The following NAALADL1 variants were observed in gnomAD, a reference collection of about 807,000 sequenced individuals.
NAALADL1 encodes aminopeptidase NAALADL1.
In NAALADL1, 77 loss-of-function variants were observed where a neutral mutation model predicts 82.8. That is an observed-to-expected ratio of 0.93 (90% CI 0.77 to 1.12). NAALADL1 has a LOEUF of 1.12. Among genes scored for constraint, NAALADL1 ranks in the 50% most tolerant of loss-of-function variants. The pLI is 0.00. For synonymous variants in NAALADL1, 358 were observed against 399.2 expected (o/e 0.90, Z 1.23); for missense variants, 956 against 964.0 (o/e 0.99, Z 0.11).
chr11:65,051,342 T>C (rs946002423), intron 8 of NAALADL1, among the ~76,000 whole-genome samples: 966 of 78,330 alleles, frequency 0.012, 74 homozygotes, highest in African/African-American at 0.052. Context: ...TTTTTTTTTT[T>C]TTTTTTTTTT....
At chr11:65,048,500 A>C in intron 8 of NAALADL1, 115 bp from the exon 9 acceptor site, 5 of 1,165,402 alleles carry the variant, frequency 4.3e-6, no homozygotes, top group Non-Finnish European at 6.2e-6. Flanking sequence ...GCAGCTGGTG[A>C]CAGGATGTCC....
intron 11 of NAALADL1, 65 bp downstream of exon 11, chr11:65,047,915 CG>C (rs1554982410): frequency 1.7e-6 from 2 of 1,175,976 alleles, no homozygotes; most frequent in Non-Finnish European, 2.4e-6. Context: ...CCACCCGTAG[CG>C]GCCCCGTCCG....
upstream of NAALADL1, among the ~76,000 whole-genome samples, chr11:65,059,720 T>C (rs1202079871): frequency 1.3e-5 from 2 of 152,216 alleles, no homozygotes; most frequent in African/African-American, 4.8e-5. Flanking sequence ...ACTAGAGCCA[T>C]GCAAGGCTGT....
chr11:65,058,386 C>T lies in NAALADL1; in HGVS notation c.136G>A (p.Glu46Lys), dbSNP rs1432227232. ...GCATCCAGCTGCCCCATGACGGTCT[C>T]CAGGATCTCCAGGTCCAGGTCCTGG... is the stretch of plus-strand genomic sequence containing the variant. ...APQDLDLEIL[E>K]TVMGQLDAHR... is the part of the protein sequence containing the mutation. Residue 46 changes from glutamate (E) to lysine (K), a missense_variant, in exon 1 of 18, where the codon GAG (glutamate) becomes AAG (lysine). Transcript: ENST00000358658. 4 of 1,614,052 alleles carry T rather than the reference C, an allele frequency of 2.5e-6. No individual in the cohort carries two copies. In the African/African-American group the frequency reaches 4.0e-5, roughly 16 times the overall value.
chr11:65,053,506 C>T lies in NAALADL1; in HGVS notation c.1063G>A (p.Gly355Arg), dbSNP rs1946948504. 1.2e-6 allele frequency: 2 copies of T among 1,613,694 alleles called. No homozygotes were observed. The highest frequency in any genetic ancestry group is 1.3e-5 in the African/African-American group (1 of 74,834). Residue 355 changes from glycine (G) to arginine (R), a missense_variant, in exon 7 of 18, where the codon GGG becomes AGG. Physicochemically the swap from Gly to Arg is moderately radical, Grantham distance 125. Transcript: ENST00000358658. The surrounding 1 kb of genome is among the most constrained non-coding windows in gnomAD (Gnocchi z 4.3). ...NSSNVLGIIR[G>R]AVEPDRYVLY... ...GAGGGCTCACCAGGCTCCACAGCCC[C>T]ACGGATGATGCCCAGGACGTTGGAA...
Position 65,046,022 on chromosome 11 carries a change from C to T in NAALADL1, c.1943+5G>A, listed in dbSNP as rs773509288. On this transcript the variant is annotated splice_donor_5th_base_variant and intron_variant, in intron 16 of 17. Transcript: ENST00000358658. Reference sequence around the variant, plus strand: ...TCCCAGCCCCTGCCCGCTGCCCTTGCTCACTCAGGGCTGCCCTTCTGCAGT... The same window carrying T: ...TCCCAGCCCCTGCCCGCTGCCCTTGTTCACTCAGGGCTGCCCTTCTGCAGT... 4 of 1,613,670 alleles carry T rather than the reference C, an allele frequency of 2.5e-6. No homozygotes were observed. Among genetic ancestry groups the T allele is most frequent in the Non-Finnish European group, 3.4e-6 (4 of 1,179,902 alleles).
Position 65,053,330 on chromosome 11 carries a change from G to T in NAALADL1, c.1086C>A (p.Tyr362Ter), listed in dbSNP as rs1208804594. Residue 362 changes from tyrosine to a stop codon, truncating the protein, a stop_gained, in exon 8 of 18, where the codon TAC becomes TAA. Transcript: ENST00000358658. LOFTEE classifies it high-confidence loss of function. The surrounding 1 kb of genome is among the most constrained non-coding windows in gnomAD (Gnocchi z 4.3). ...TGTCTCGGTGGTTCCCATACAGCAC[G>T]TAGCGATCTGGCCAGAGGAAAAGGG... Reference protein sequence around the residue: ...IIRGAVEPDRYVLYGNHRDSW... With the variant: ...IIRGAVEPDR 7 of 1,571,362 alleles carry T rather than the reference G, an allele frequency of 4.5e-6. No homozygotes were observed. The highest frequency in any genetic ancestry group is 6.0e-6 in the Non-Finnish European group (7 of 1,159,946).
At chr11:65,052,144 G>T (rs1946905678) in intron 8 of NAALADL1, among the ~76,000 whole-genome samples, 1 of 152,120 alleles carries the variant, frequency 6.6e-6, no homozygotes, top group Non-Finnish European at 1.5e-5. Flanking sequence ...GAGTCGCTTA[G>T]ACCACAGCCC....
upstream of NAALADL1, among the ~76,000 whole-genome samples, chr11:65,058,895 A>G (rs941329089): frequency 6.6e-6 from 1 of 152,200 alleles, no homozygotes; most frequent in Admixed American, 6.5e-5. Flanking sequence ...CCTCCAAGGC[A>G]GCCGATCTAC....
chr11:65,057,767 G>C, intron 3 of NAALADL1, 108 bp downstream of exon 3: 1 of 1,516,618 alleles, frequency 6.6e-7, no homozygotes, highest in Non-Finnish European at 9.0e-7. Flanking sequence ...AAATTCCGGA[G>C]GGCGCGCTGT....
Position 65,045,146 on chromosome 11 carries a change from C to T in NAALADL1, c.*125G>A. ...TCCCCTCAGGGACCTCAAGCTGTTGCCTGAGAAGCTTGAGAGGGTCCTGTG... is the reference window on the plus strand; with the variant it reads ...TCCCCTCAGGGACCTCAAGCTGTTGTCTGAGAAGCTTGAGAGGGTCCTGTG... On this transcript the variant is annotated 3_prime_UTR_variant, in exon 18 of 18. Coordinates refer to ENST00000358658, the MANE Select transcript of NAALADL1 (RefSeq NM_005468.3). The T allele has an allele frequency of 9.2e-7, 1 of 1,090,844 alleles. No homozygotes were observed. The highest frequency in any genetic ancestry group is 1.3e-6 in the Non-Finnish European group (1 of 772,038). 67.6% of individuals were successfully genotyped at this position (1,090,844 alleles called of 1,614,324 possible). A position where few individuals can be genotyped will look rare whatever the true frequency, so the allele number is the denominator to read the frequency against.
In NAALADL1 at chr11:65,058,076, A is replaced by G; in HGVS notation, c.358+2T>C. On this transcript the variant is annotated splice_donor_variant, in intron 2 of 17. Transcript: ENST00000358658. LOFTEE classifies it high-confidence loss of function. The stretch of plus-strand genomic sequence containing the variant: ...CATTCCCAAGACTGGGCAGGACCTC[A>G]CCGATGTCCACGACGTTGGGCTGCT... 1 of 1,610,414 alleles carries G rather than the reference A, an allele frequency of 6.2e-7. No homozygotes were observed. The highest frequency in any genetic ancestry group is 8.5e-7 in the Non-Finnish European group (1 of 1,177,392).
intron 4 of NAALADL1, among the ~76,000 whole-genome samples, chr11:65,055,004 G>C (rs1182107417): frequency 1.3e-5 from 2 of 152,222 alleles, no homozygotes; most frequent in Non-Finnish European, 2.9e-5. Flanking sequence ...AAATAACACA[G>C]TTGTGTACTC....
At chr11:65,055,266 GTCTC>G (rs1290907087) in intron 4 of NAALADL1, among the ~76,000 whole-genome samples, 6 of 152,138 alleles carry the variant, frequency 3.9e-5, no homozygotes, top group Admixed American at 2.6e-4. Context: ...GTGAAACCTT[GTCTC>G]TACTAAAAAT....
rs1257721097 is a variant in NAALADL1 at position 65,047,549 on chromosome 11, CACCCAGAGA to C, written c.1516_1524del (p.Ser506_Gly508del). The C allele has an allele frequency of 6.4e-7, 1 of 1,572,088 alleles. No individual in the cohort carries two copies. The highest frequency in any genetic ancestry group is 8.6e-7 in the Non-Finnish European group (1 of 1,158,910). ...ACGAAGGGTGCATAGTCGCTGCCAG[CACCCAGAGA>C]ACCCAAGCTGCGGGAAGGAAGGGGG... is the stretch of plus-strand genomic sequence containing the variant. On this transcript the variant is annotated inframe_deletion, in exon 13 of 18. Transcript: ENST00000358658.
rs1208661253 is a variant in NAALADL1, at chr11:65,045,871, C to A, written c.1987G>T (p.Glu663Ter). The change falls in exon 17 of 18, where the codon GAA becomes TAA. Residue 663 changes from glutamate (E) to a stop codon, truncating the protein, a stop_gained. Coordinates refer to ENST00000358658, the MANE Select transcript of NAALADL1 (RefSeq NM_005468.3). LOFTEE classifies it high-confidence loss of function. ...RMLNDQLMLL[E>*]RTFLNPRAFP... is the part of the protein sequence containing the mutation. ...GCTCTAGGGTTCAGAAAGGTCCGTT[C>A]CAAGAGCATCAACTGGTCATTGAGC... The A allele has an allele frequency of 6.2e-7, 1 of 1,614,004 alleles. No homozygotes were observed. The highest frequency in any genetic ancestry group is 1.3e-5 in the African/African-American group (1 of 74,938).
chr11:65,046,958 T>C (rs1946746269), intron 13 of NAALADL1, among the ~76,000 whole-genome samples: 1 of 152,118 alleles, frequency 6.6e-6, no homozygotes, highest in South Asian at 2.1e-4. Flanking sequence ...TAATCGATGC[T>C]GAGATTAACT....
rs1946721765 is a variant in NAALADL1 at position 65,046,239 on chromosome 11, G to T, written c.1805C>A (p.Ala602Glu). Residue 602 changes from alanine to glutamate, a missense_variant, in exon 15 of 18, where the codon GCA becomes GAA. Physicochemically the swap from Ala to Glu is moderately radical, Grantham distance 107. Coordinates refer to ENST00000358658, the MANE Select transcript of NAALADL1 (RefSeq NM_005468.3). ...CAGGGCCCCAAGATCTTGCTGGGCTGCCTGCAGGAAGCTGCGGAGTGTCTC... is the reference window on the plus strand; with the variant it reads ...CAGGGCCCCAAGATCTTGCTGGGCTTCCTGCAGGAAGCTGCGGAGTGTCTC... ...YSETLRSFLQ[A>E]AQQDLGALLE... is the part of the protein sequence containing the mutation. 3.7e-6 allele frequency: 6 copies of T among 1,614,024 alleles called. No homozygotes were observed. The highest frequency in any genetic ancestry group is 1.3e-5 in the African/African-American group (1 of 74,940).
chr11:65,047,424 G>A (rs1038769711), intron 13 of NAALADL1, 51 bp downstream of exon 13: 1 of 1,468,034 alleles, frequency 6.8e-7, no homozygotes, highest in Non-Finnish European at 9.3e-7. Context: ...AAGAGAGGAG[G>A]GGGCGCATGC....
Sources: allele counts gnomAD v4.1 joint callset (sites outside exome capture counted in the v4.1 genomes callset), GRCh38; gene constraint gnomAD v4.1.1; non-coding constraint Gnocchi (gnomAD v3.1); transcripts MANE v1.5; gene names NCBI Gene and HGNC (gene_info 2026-07-23, HGNC 2026-07-21).